Variants in B3GALT1 observed in about 807,000 individuals in gnomAD.
The protein encoded by B3GALT1 is beta-1,3-galactosyltransferase 1.
In B3GALT1, 10 loss-of-function variants were observed where a neutral mutation model predicts 23.2. The observed-to-expected ratio is 0.43, with a 90% confidence interval of 0.27 to 0.73. The LOEUF (loss-of-function observed/expected upper bound fraction) is 0.73, where lower values mean the gene tolerates loss of function less well. B3GALT1 is among the 30% of genes least tolerant of loss of function. The pLI is 0.21. For synonymous variants in B3GALT1, 156 were observed against 141.5 expected (o/e 1.10, Z -0.73); for missense variants, 299 against 405.4 (o/e 0.74, Z 2.25).
At chr2:167,362,272 A>G (rs1697511166) in intron 1 of B3GALT1, among the ~76,000 whole-genome samples, 1 of 152,226 alleles carries the variant, frequency 6.6e-6, no homozygotes, top group South Asian at 2.1e-4. Flanking sequence ...ATAGGGTGAT[A>G]CATCAAAATA....
chr2:167,644,874 C>T (rs1685718635), intron 2 of B3GALT1, among the ~76,000 whole-genome samples: 1 of 151,856 alleles, frequency 6.6e-6, no homozygotes, highest in African/African-American at 2.4e-5. Flanking sequence ...AAACAGGAGC[C>T]CTCTTTCCAG....
intron 1 of B3GALT1, among the ~76,000 whole-genome samples, chr2:167,484,795 GGGGATTC>G (rs1413756155): frequency 6.6e-6 from 1 of 152,132 alleles, no homozygotes; most frequent in Non-Finnish European, 1.5e-5. Context: ...AGAAAGGGAA[GGGGATTC>G]TCTACAGAAT....
At chr2:167,732,460 T>C (rs191932845) in intron 3 of B3GALT1, among the ~76,000 whole-genome samples, 19 of 152,296 alleles carry the variant, frequency 1.2e-4, no homozygotes, top group Middle Eastern at 6.8e-3. Flanking sequence ...TGGTGAGCCT[T>C]TTCCACAGCA....
At chr2:167,804,999 A>G (rs1688722108) in intron 3 of B3GALT1, among the ~76,000 whole-genome samples, 2 of 152,094 alleles carry the variant, frequency 1.3e-5, no homozygotes, top group African/African-American at 4.8e-5. Context: ...TTGTTTCCTG[A>G]CTTTTTAATG....
intron 1 of B3GALT1, among the ~76,000 whole-genome samples, chr2:167,374,523 CTG>C (rs1033964091): frequency 6.6e-6 from 1 of 152,032 alleles, no homozygotes; most frequent in Admixed American, 6.6e-5. Context: ...ATCACCAGCT[CTG>C]TTTTTTATCT....
chr2:167,681,869 A>G (rs1413447301), intron 3 of B3GALT1, among the ~76,000 whole-genome samples: 2 of 152,224 alleles, frequency 1.3e-5, no homozygotes, highest in East Asian at 1.9e-4. Flanking sequence ...TGTTTTCAGA[A>G]CAATGAAGAA....
intron 3 of B3GALT1, among the ~76,000 whole-genome samples, chr2:167,677,939 G>C (rs141633078): frequency 2.6e-4 from 39 of 152,072 alleles, no homozygotes; most frequent in Admixed American, 9.8e-4. Flanking sequence ...TTGTGAGAAC[G>C]CATCCACTAT....
At chr2:167,565,842 C>A in intron 2 of B3GALT1, among the ~76,000 whole-genome samples, 1 of 151,686 alleles carries the variant, frequency 6.6e-6, no homozygotes, top group African/African-American at 2.4e-5. Flanking sequence ...ATTAAAAAGT[C>A]AGGAAACAAC....
At chr2:167,637,177 G>T (rs1056169111) in intron 2 of B3GALT1, among the ~76,000 whole-genome samples, 3 of 151,934 alleles carry the variant, frequency 2.0e-5, no homozygotes. Flanking sequence ...ATGGATTTCT[G>T]TTGCTTTCAC....
rs747763485 is a variant in B3GALT1 at position 167,869,384 on chromosome 2, G to A, written c.345G>A (p.Leu115=). The change falls in exon 5 of 5, where the codon CTG becomes CTA. Residue 115 remains leucine (L), a synonymous_variant. Transcript: ENST00000392690. The surrounding 1 kb of genome is among the most constrained non-coding windows in gnomAD (Gnocchi z 6.4). ...NNFKGIKIAT[L]FLLGKNADPV... is the part of the protein sequence containing the mutation. ...TTAAGGGGATCAAGATAGCCACCCTGTTCCTCCTGGGCAAGAATGCTGATC... is the reference window on the plus strand; with the variant it reads ...TTAAGGGGATCAAGATAGCCACCCTATTCCTCCTGGGCAAGAATGCTGATC... 1 of 1,614,118 alleles carries A rather than the reference G, an allele frequency of 6.2e-7. No individual in the cohort carries two copies. Among genetic ancestry groups the A allele is most frequent in the South Asian group, 1.1e-5 (1 of 91,076 alleles).
intron 1 of B3GALT1, among the ~76,000 whole-genome samples, chr2:167,380,769 A>C (rs1392407616): frequency 6.6e-6 from 1 of 152,158 alleles, no homozygotes; most frequent in Non-Finnish European, 1.5e-5. Flanking sequence ...TCCTTGGGGA[A>C]AGATGAGTCA....
At chr2:167,742,729 T>A (rs1687594579) in intron 3 of B3GALT1, among the ~76,000 whole-genome samples, 1 of 152,166 alleles carries the variant, frequency 6.6e-6, no homozygotes, top group Non-Finnish European at 1.5e-5. Flanking sequence ...TATTATATAG[T>A]ATTTGAACAT....
chr2:167,478,510 A>G (rs983304288), intron 1 of B3GALT1, among the ~76,000 whole-genome samples: 16 of 152,308 alleles, frequency 1.1e-4, no homozygotes, highest in African/African-American at 3.6e-4. Flanking sequence ...GGCTTATAAA[A>G]AAACAAAAGC....
At chr2:167,759,476 G>A (rs574293748) in intron 3 of B3GALT1, among the ~76,000 whole-genome samples, 1 of 152,310 alleles carries the variant, frequency 6.6e-6, no homozygotes, top group South Asian at 2.1e-4. Flanking sequence ...AGTGCCTGGA[G>A]CACAGAGAGA....
intron 2 of B3GALT1, among the ~76,000 whole-genome samples, chr2:167,610,835 G>A (rs1045166263): frequency 6.7e-6 from 1 of 149,196 alleles, no homozygotes. Context: ...AAGGTATTGG[G>A]GGTCATAGGA....
At chr2:167,805,915 G>C (rs1419670082) in intron 3 of B3GALT1, among the ~76,000 whole-genome samples, 1 of 152,062 alleles carries the variant, frequency 6.6e-6, no homozygotes, top group Non-Finnish European at 1.5e-5. Flanking sequence ...AAATTACCTT[G>C]GGCAGTATGG....
intron 4 of B3GALT1, among the ~76,000 whole-genome samples, chr2:167,832,441 A>G (rs1310788180): frequency 6.6e-6 from 1 of 152,226 alleles, no homozygotes; most frequent in African/African-American, 2.4e-5. Context: ...TGACACCATT[A>G]CTGTACAATG....
chr2:167,392,793 T>C (rs939795370), intron 1 of B3GALT1, among the ~76,000 whole-genome samples: 2 of 152,148 alleles, frequency 1.3e-5, no homozygotes, highest in African/African-American at 4.8e-5. Context: ...ATTTGACTTA[T>C]ATTATAATTT....
intron 3 of B3GALT1, among the ~76,000 whole-genome samples, chr2:167,706,998 T>G (rs778031199): frequency 1.2e-4 from 18 of 152,236 alleles, no homozygotes; most frequent in African/African-American, 1.7e-4. Context: ...TGCTTGATTT[T>G]GCAATCATCT....
Sources: gnomAD v4.1 joint callset for allele counts (sites outside exome capture counted in the v4.1 genomes callset) on GRCh38, gnomAD v4.1.1 for gene constraint, Gnocchi (gnomAD v3.1) non-coding constraint, MANE v1.5 for transcripts, NCBI Gene and HGNC (gene_info 2026-07-23, HGNC 2026-07-21) for gene names.